The following MCTP1 variants were observed in gnomAD, a reference collection of about 807,000 sequenced individuals.
MCTP1 encodes multiple C2 and transmembrane domain containing 1, also known as multiple C2 and transmembrane domain-containing protein 1.
In MCTP1, 69 loss-of-function variants were observed where a neutral mutation model predicts 120.6. The observed-to-expected ratio is 0.57, with a 90% CI of 0.47 to 0.70. MCTP1 has a LOEUF of 0.70. Among genes scored for constraint, MCTP1 ranks in the 30% least tolerant of loss-of-function variants. MCTP1 has a pLI of 0.00. For synonymous variants in MCTP1, 529 were observed against 493.1 expected, an observed-to-expected ratio of 1.07 and a Z score of -0.96; for missense variants, 1,203 against 1,248.8, an observed-to-expected ratio of 0.96 and a Z score of 0.55.
intron 1 of MCTP1, among the ~76,000 whole-genome samples, chr5:95,121,801 A>G (rs1321159208): frequency 6.6e-6 from 1 of 152,060 alleles, no homozygotes; most frequent in Non-Finnish European, 1.5e-5. Flanking sequence ...TGGATCAGTG[A>G]AAGAGAATAG....
intron 1 of MCTP1, among the ~76,000 whole-genome samples, chr5:95,196,391 G>A (rs950529925): frequency 2.0e-5 from 3 of 152,208 alleles, no homozygotes; most frequent in African/African-American, 7.2e-5. Context: ...CTATGTATTG[G>A]AACAATTTCC....
At chr5:95,059,006 G>C (rs1748194119) in intron 1 of MCTP1, among the ~76,000 whole-genome samples, 1 of 152,090 alleles carries the variant, frequency 6.6e-6, no homozygotes, top group African/African-American at 2.4e-5. Context: ...GCATATACAT[G>C]CAAGAATTGA....
At chr5:95,182,022 C>T (rs1748652889) in intron 1 of MCTP1, among the ~76,000 whole-genome samples, 1 of 152,036 alleles carries the variant, frequency 6.6e-6, no homozygotes, top group Non-Finnish European at 1.5e-5. Flanking sequence ...AAAGAAACAA[C>T]AAATGATAAC....
intron 1 of MCTP1, among the ~76,000 whole-genome samples, chr5:95,047,594 A>C (rs1168802510): frequency 6.6e-6 from 1 of 152,162 alleles, no homozygotes; most frequent in Admixed American, 6.6e-5. Flanking sequence ...AAAGAAGATG[A>C]AAGGCCATTA....
At chr5:94,714,702 G>A (rs1758432392) in intron 20 of MCTP1, 75 bp downstream of exon 20, 1 of 861,078 alleles carries the variant, frequency 1.2e-6, no homozygotes, top group Admixed American at 1.7e-5. Flanking sequence ...AAAGAATGTG[G>A]CATTTCACCC....
At position 94,894,791 on chromosome 5, in the gene MCTP1, T is replaced by C. The variant is rs748296377; in HGVS notation, c.1697A>G (p.Lys566Arg). ...LSALSREQTH[K>R]LELQLEEGEG... ...ACCCTCTTCCAGCTGCAACTCCAGC[T>C]TGTGCGTCTGTTCCCTACTGAGGGC... The change falls in exon 11 of 23, where the codon AAG (lysine) becomes AGG (arginine). Residue 566 changes from lysine to arginine, a missense_variant. Lys to Arg is a conservative substitution (Grantham distance 26, BLOSUM62 2). Around this residue, in one of 2 missense-constraint regions of MCTP1, gnomAD observed 740 missense variants for 871.1 expected, o/e 0.85. Transcript: ENST00000515393. 1 of 1,612,880 alleles carries C rather than the reference T, an allele frequency of 6.2e-7. No homozygotes were observed. The highest frequency in any genetic ancestry group is 1.1e-5 in the South Asian group (1 of 90,930).
intron 1 of MCTP1, among the ~76,000 whole-genome samples, chr5:95,233,299 T>A (rs1197922341): frequency 6.6e-6 from 1 of 151,860 alleles, no homozygotes; most frequent in South Asian, 2.1e-4. Context: ...TTGAAACTCC[T>A]GAATATTTAG....
At chr5:95,272,837 T>C (rs1478355552) in intron 1 of MCTP1, among the ~76,000 whole-genome samples, 1 of 152,146 alleles carries the variant, frequency 6.6e-6, no homozygotes, top group African/African-American at 2.4e-5. Flanking sequence ...AGAGAGAGGC[T>C]GAGGGGATGA....
At chr5:95,123,513 T>C (rs1313056933) in intron 1 of MCTP1, among the ~76,000 whole-genome samples, 1 of 152,204 alleles carries the variant, frequency 6.6e-6, no homozygotes, top group African/African-American at 2.4e-5. Context: ...AACATCCACC[T>C]CTTTCCATGT....
At chr5:95,178,303 G>C (rs1233767788) in intron 1 of MCTP1, among the ~76,000 whole-genome samples, 1 of 152,212 alleles carries the variant, frequency 6.6e-6, no homozygotes, top group Non-Finnish European at 1.5e-5. Context: ...TCTCTTGGGA[G>C]CTCTATAACC....
chr5:94,883,043 A>T (rs1294586826), intron 12 of MCTP1, among the ~76,000 whole-genome samples: 1 of 152,212 alleles, frequency 6.6e-6, no homozygotes, highest in East Asian at 1.9e-4. Context: ...GGTTTTAAAA[A>T]TGCAATTACT....
chr5:94,708,779 T>G, intron 21 of MCTP1, 170 bp from the exon 22 acceptor site: 1 of 539,926 alleles, frequency 1.9e-6, no homozygotes, highest in African/African-American at 1.9e-5. Context: ...CTGCTTTTTT[T>G]ACTTGTACCT....
chr5:95,273,237 T>C (rs1263566870), intron 1 of MCTP1, among the ~76,000 whole-genome samples: 1 of 152,266 alleles, frequency 6.6e-6, no homozygotes, highest in Non-Finnish European at 1.5e-5. Flanking sequence ...ATTATTCTTG[T>C]ATCAAAATCA....
intron 1 of MCTP1, among the ~76,000 whole-genome samples, chr5:95,110,539 C>T (rs1426094): frequency 0.81 from 122,741 of 152,100 alleles, 49,820 homozygotes; most frequent in Admixed American, 0.87. Context: ...TAAAATAAAC[C>T]TTTATTATGT....
intron 1 of MCTP1, among the ~76,000 whole-genome samples, chr5:95,223,237 A>C (rs1753882441): frequency 6.6e-6 from 1 of 152,128 alleles, no homozygotes; most frequent in Non-Finnish European, 1.5e-5. Flanking sequence ...GGATCACTTG[A>C]GCCCAGGAGT....
At chr5:94,790,748 G>C (rs1160873938) in intron 18 of MCTP1, among the ~76,000 whole-genome samples, 1 of 152,154 alleles carries the variant, frequency 6.6e-6, no homozygotes, top group Non-Finnish European at 1.5e-5. Flanking sequence ...TAGGGGGTGA[G>C]TGTCAGGGAT....
chr5:95,135,277 A>C (rs1759368222), intron 1 of MCTP1, among the ~76,000 whole-genome samples: 1 of 152,214 alleles, frequency 6.6e-6, no homozygotes, highest in Non-Finnish European at 1.5e-5. Context: ...CAAATCACAA[A>C]GAAAGAAAGA....
chr5:95,122,180 CCAA>C (rs1758294820), intron 1 of MCTP1, among the ~76,000 whole-genome samples: 2 of 151,842 alleles, frequency 1.3e-5, no homozygotes, highest in African/African-American at 4.8e-5. Context: ...TTCTGAACAG[CCAA>C]GTAAACAATC....
At chr5:94,717,676 G>C (rs570709931) in intron 19 of MCTP1, among the ~76,000 whole-genome samples, 1 of 152,196 alleles carries the variant, frequency 6.6e-6, no homozygotes, top group South Asian at 2.1e-4. Context: ...CAAAGTCTCA[G>C]GATATAAAAA....
Sources: allele counts gnomAD v4.1 joint callset (sites outside exome capture counted in the v4.1 genomes callset), GRCh38; gene constraint gnomAD v4.1.1; regional missense constraint gnomAD v4.1.1; transcripts MANE v1.5; gene names NCBI Gene and HGNC (gene_info 2026-07-23, HGNC 2026-07-21).